FMN2: variants seen among roughly 807,000 people sequenced by gnomAD.
FMN2 encodes formin 2.
In FMN2, 51 loss-of-function variants were observed where a neutral mutation model predicts 142.3. The ratio of observed to expected loss-of-function variants is 0.36; its 90% CI spans 0.29 to 0.45. The LOEUF (loss-of-function observed/expected upper bound fraction) is 0.45. Ranked by LOEUF, FMN2 falls within the 20% of genes least tolerant of loss-of-function variation. FMN2 has a pLI of 1.00. For synonymous variants in FMN2, 882 were observed against 869.8 expected (o/e 1.01, Z -0.25); for missense variants, 1,936 against 2,122.8 (o/e 0.91, Z 1.73).
chr1:240,249,114 TTGTC>T (rs1668189025), intron 6 of FMN2, among the ~76,000 whole-genome samples: 1 of 152,122 alleles, frequency 6.6e-6, no homozygotes, highest in Admixed American at 6.6e-5. Context: ...ATAGTCCCAT[TTGTC>T]TATTTTTGTT....
At chr1:240,114,522 C>G (rs954628233) in intron 1 of FMN2, among the ~76,000 whole-genome samples, 2 of 152,176 alleles carry the variant, frequency 1.3e-5, no homozygotes, top group African/African-American at 2.4e-5. Flanking sequence ...TTGGGGCTGA[C>G]AGCTTGATCC....
chr1:240,195,288 G>A (rs868370192), intron 4 of FMN2, among the ~76,000 whole-genome samples: 1 of 152,182 alleles, frequency 6.6e-6, no homozygotes, highest in Admixed American at 6.5e-5. Flanking sequence ...TCTTCTTTCA[G>A]CTCTCATTCT....
chr1:240,432,522 A>G (rs1317800248), intron 15 of FMN2, among the ~76,000 whole-genome samples: 14 of 151,688 alleles, frequency 9.2e-5, no homozygotes, highest in Admixed American at 9.2e-4. Context: ...TATTATTTCT[A>G]TTCTTCTACT....
At chr1:240,399,281 C>T (rs1673892756) in intron 15 of FMN2, among the ~76,000 whole-genome samples, 1 of 152,062 alleles carries the variant, frequency 6.6e-6, no homozygotes, top group Admixed American at 6.6e-5. Context: ...TACCATAATA[C>T]CTGAGCTTGG....
chr1:240,211,779 G>C (rs1235390181), intron 6 of FMN2, among the ~76,000 whole-genome samples: 1 of 152,130 alleles, frequency 6.6e-6, no homozygotes, highest in Non-Finnish European at 1.5e-5. Context: ...TCTAACCTGT[G>C]ACATTTTTGA....
intron 6 of FMN2, among the ~76,000 whole-genome samples, chr1:240,214,871 G>A (rs1666834460): frequency 6.6e-6 from 1 of 152,160 alleles, no homozygotes; most frequent in Non-Finnish European, 1.5e-5. Context: ...TTCGAGACCA[G>A]CCTGGGGAAC....
chr1:240,333,687 T>G (rs1449491488), intron 11 of FMN2, among the ~76,000 whole-genome samples, 200 bp from the exon 12 acceptor site: 1 of 152,138 alleles, frequency 6.6e-6, no homozygotes, highest in Non-Finnish European at 1.5e-5. Flanking sequence ...GTGCTAAGAT[T>G]GGAACACTGG....
intron 15 of FMN2, among the ~76,000 whole-genome samples, chr1:240,407,973 T>C (rs1047135059): frequency 6.6e-6 from 1 of 152,182 alleles, no homozygotes; most frequent in Non-Finnish European, 1.5e-5. Flanking sequence ...CATGAATAAA[T>C]GTAGATTTCG....
chr1:240,252,952 A>ATTTTTTTTTTTTTTTTTTTT (rs1572118578), intron 6 of FMN2, among the ~76,000 whole-genome samples: 3 of 33,880 alleles, frequency 8.9e-5, no homozygotes, highest in African/African-American at 1.9e-4. Flanking sequence ...AGTCTTGTTC[A>ATTTTTTTTTTTTTTTTTTTT]CTTTTTTTTT....
intron 7 of FMN2, among the ~76,000 whole-genome samples, chr1:240,279,615 G>A (rs999470275): frequency 2.6e-5 from 4 of 152,042 alleles, no homozygotes; most frequent in Non-Finnish European, 5.9e-5. Context: ...TTAGAACAGA[G>A]GCCTTTCTAT....
At chr1:240,239,452 A>T (rs1272468651) in intron 6 of FMN2, among the ~76,000 whole-genome samples, 1 of 152,212 alleles carries the variant, frequency 6.6e-6, no homozygotes, top group Non-Finnish European at 1.5e-5. Context: ...TCATAAATTA[A>T]CTCACTGACA....
intron 1 of FMN2, among the ~76,000 whole-genome samples, chr1:240,111,095 G>C (rs1571935764): frequency 6.6e-6 from 1 of 152,056 alleles, no homozygotes. Flanking sequence ...ACATTTATTG[G>C]GTACTGTTAA....
At chr1:240,429,036 T>C (rs547610353) in intron 15 of FMN2, among the ~76,000 whole-genome samples, 11 of 152,322 alleles carry the variant, frequency 7.2e-5, no homozygotes, top group Admixed American at 5.2e-4. Flanking sequence ...TATTTCTGTT[T>C]TCATTAAGAC....
intron 7 of FMN2, among the ~76,000 whole-genome samples, chr1:240,292,657 T>C (rs1669835152): frequency 6.6e-6 from 1 of 152,212 alleles, no homozygotes; most frequent in East Asian, 1.9e-4. Flanking sequence ...AAATGGAAGA[T>C]GCTACTAAAC....
At chr1:240,324,402 A>T (rs1671083754) in intron 8 of FMN2, among the ~76,000 whole-genome samples, 1 of 152,184 alleles carries the variant, frequency 6.6e-6, no homozygotes, top group Non-Finnish European at 1.5e-5. Context: ...TCATGCCTGT[A>T]ATCCCAGCAC....
At chr1:240,423,833 G>A (rs922990983) in intron 15 of FMN2, among the ~76,000 whole-genome samples, 10 of 152,176 alleles carry the variant, frequency 6.6e-5, no homozygotes, top group African/African-American at 1.2e-4. Flanking sequence ...AGCCAGAACT[G>A]CTGCATTGAC....
chr1:240,471,415 G>A (rs940722021), intron 16 of FMN2, among the ~76,000 whole-genome samples: 16 of 150,528 alleles, frequency 1.1e-4, no homozygotes, highest in African/African-American at 3.2e-4. Flanking sequence ...AGGCTGGAGT[G>A]CAGTGGCACA....
At chr1:240,383,082 C>T (rs548978026) in intron 14 of FMN2, among the ~76,000 whole-genome samples, 11 of 152,170 alleles carry the variant, frequency 7.2e-5, no homozygotes, top group Admixed American at 2.0e-4. Flanking sequence ...GGAACTGGAC[C>T]CCAGTCTCTC....
At chr1:240,367,624 C>T (rs957175121) in intron 14 of FMN2, among the ~76,000 whole-genome samples, 2 of 151,476 alleles carry the variant, frequency 1.3e-5, no homozygotes, top group Non-Finnish European at 2.9e-5. Flanking sequence ...AAAAATAAGC[C>T]GGGAGTGGTG....
Sources: gnomAD v4.1 joint callset for allele counts (sites outside exome capture counted in the v4.1 genomes callset) on GRCh38, gnomAD v4.1.1 for gene constraint, MANE v1.5 for transcripts, NCBI Gene and HGNC (gene_info 2026-07-23, HGNC 2026-07-21) for gene names.